NUP205: variants seen among roughly 807,000 people sequenced by gnomAD.
NUP205 encodes the protein nuclear pore complex protein Nup205.
NUP205 carries 76 observed loss-of-function variants against 253.8 expected under a neutral mutation model. The ratio of observed to expected loss-of-function variants is 0.30; its 90% CI spans 0.25 to 0.36. The LOEUF (loss-of-function observed/expected upper bound fraction) is 0.36, where lower values mean the gene tolerates loss of function less well. NUP205 is among the 10% of genes least tolerant of loss of function. The probability of loss-of-function intolerance (pLI) is 1.00; values close to 1 mark genes in which losing one functional copy is unlikely to be tolerated. For missense variants in NUP205, 2,162 were observed against 2,425.5 expected (o/e 0.89, Z 2.28); for synonymous variants, 832 against 850.1 (o/e 0.98, Z 0.37).
intron 13 of NUP205, 41 bp downstream of exon 13, chr7:135,594,770 G>T (rs757142536): frequency 1.3e-6 from 2 of 1,484,518 alleles, no homozygotes; most frequent in African/African-American, 1.4e-5. Context: ...TCCCAATGTG[G>T]AAAGTTGGGC....
intron 1 of NUP205, among the ~76,000 whole-genome samples, chr7:135,570,880 A>C (rs1371635979): frequency 9.9e-5 from 12 of 120,730 alleles, no homozygotes; most frequent in Non-Finnish European, 1.6e-4. Flanking sequence ...AATATATGTA[A>C]TATATTATAT....
intron 22 of NUP205, among the ~76,000 whole-genome samples, chr7:135,609,050 A>T (rs887095740): frequency 1.4e-5 from 2 of 142,434 alleles, no homozygotes; most frequent in African/African-American, 5.3e-5. Flanking sequence ...GTTGCAGTGA[A>T]CCTAGATCGT....
intron 38 of NUP205, among the ~76,000 whole-genome samples, chr7:135,641,655 C>G (rs1320122297): frequency 7.8e-6 from 1 of 127,902 alleles, no homozygotes; most frequent in Non-Finnish European, 1.8e-5. Flanking sequence ...ACCTTTAATC[C>G]TAGCTACTTG....
At chr7:135,583,848 T>C (rs370209284) in intron 7 of NUP205, among the ~76,000 whole-genome samples, 36 of 138,556 alleles carry the variant, frequency 2.6e-4, no homozygotes, top group African/African-American at 5.0e-4. Flanking sequence ...TTCTTTCTTT[T>C]TTTTTTTTTT....
intron 3 of NUP205, among the ~76,000 whole-genome samples, chr7:135,574,932 G>T (rs552957695): frequency 1.4e-4 from 22 of 152,156 alleles, no homozygotes; most frequent in Non-Finnish European, 2.5e-4. Flanking sequence ...ACCTAAGCCT[G>T]CACTAAAAGA....
chr7:135,584,105 C>T (rs757750821), intron 7 of NUP205, among the ~76,000 whole-genome samples: 20 of 151,872 alleles, frequency 1.3e-4, no homozygotes, highest in African/African-American at 2.7e-4. Flanking sequence ...CCACCCTGCC[C>T]GGCCTTGTTT....
At chr7:135,627,829 T>A (rs934253429) in intron 33 of NUP205, 144 bp from the exon 34 acceptor site, 9 of 610,416 alleles carry the variant, frequency 1.5e-5, no homozygotes, top group African/African-American at 1.3e-4. Context: ...GGACCGCGGA[T>A]GTATATATGG....
At chr7:135,562,791 G>T (rs1400765818) in intron 1 of NUP205, among the ~76,000 whole-genome samples, 1 of 151,852 alleles carries the variant, frequency 6.6e-6, no homozygotes, top group African/African-American at 2.4e-5. Context: ...GTATCTGCCC[G>T]CCTCGGTATC....
rs116671009 is a variant in NUP205, at chr7:135,640,185, G to A, written c.5392+1502G>A. 4.4e-3 allele frequency among the ~76,000 whole-genome samples: 671 copies of A among 152,178 alleles called. 1 individual carries two copies. The highest frequency in any genetic ancestry group is 0.015 in the African/African-American group (641 of 41,532). On this transcript the variant is annotated intron_variant, in intron 38 of 42. Coordinates refer to ENST00000285968, the MANE Select transcript of NUP205 (RefSeq NM_015135.3). ...GCACATGTATACCTATGTAACAAAC[G>A]TACACATTCTGTACATGTATCCCAG...
intron 1 of NUP205, among the ~76,000 whole-genome samples, chr7:135,570,331 C>T (rs1231271679): frequency 6.6e-6 from 1 of 151,870 alleles, no homozygotes; most frequent in Non-Finnish European, 1.5e-5. Flanking sequence ...TCTCCTGTCC[C>T]AGCCTCCCAA....
At chr7:135,563,381 G>A (rs561893694) in intron 1 of NUP205, among the ~76,000 whole-genome samples, 5 of 152,064 alleles carry the variant, frequency 3.3e-5, no homozygotes, top group Admixed American at 6.6e-5. Context: ...TAGAGACGGG[G>A]TTTCGCTGTG....
chr7:135,594,540 T>C lies in NUP205; in HGVS notation c.1831-7T>C, dbSNP rs534293349. On this transcript the variant is annotated splice_polypyrimidine_tract_variant and splice_region_variant and intron_variant, in intron 12 of 42. Coordinates refer to ENST00000285968, the MANE Select transcript of NUP205 (RefSeq NM_015135.3). ...GAAAGTCTCATTCTTTTTGTGTCAA[T>C]TCTTAGAGTGAAAATGCTCGCTTGG... The C allele has an allele frequency of 1.1e-4, 166 of 1,574,684 alleles. No individual in the cohort carries two copies. In the South Asian group the frequency reaches 1.7e-3, roughly 16 times the overall value.
intron 7 of NUP205, among the ~76,000 whole-genome samples, chr7:135,581,372 C>T (rs1346393114): frequency 6.6e-6 from 1 of 151,876 alleles, no homozygotes; most frequent in African/African-American, 2.4e-5. Flanking sequence ...AGTGATACCT[C>T]ATCTCTTCAA....
Position 135,627,989 on chromosome 7 carries a change from G to A in NUP205, c.4810G>A (p.Asp1604Asn). The change falls in exon 34 of 43, where the codon GAC becomes AAC. Residue 1604 changes from aspartate (D) to asparagine (N), a missense_variant. Asp to Asn is a conservative substitution (Grantham distance 23). This residue lies in a region of NUP205 where 1,144 missense variants were observed against 1,280.9 expected (regional missense o/e 0.89). Transcript: ENST00000285968. ...TDPQSMFGMR[D>N]PPMFIPTPVD... ...TGAAATAAGCATGTTTGGCATGAGAGACCCTCCAATGTTCATCCCTACCCC... is the reference window on the plus strand; with the variant it reads ...TGAAATAAGCATGTTTGGCATGAGAAACCCTCCAATGTTCATCCCTACCCC... 1 of 1,612,230 alleles carries A rather than the reference G, an allele frequency of 6.2e-7. No homozygotes were observed. The highest frequency in any genetic ancestry group is 8.5e-7 in the Non-Finnish European group (1 of 1,179,550).
chr7:135,644,031 T>C (rs930026869), intron 39 of NUP205, among the ~76,000 whole-genome samples: 1 of 152,250 alleles, frequency 6.6e-6, no homozygotes, highest in African/African-American at 2.4e-5. Context: ...AGTCCATGCC[T>C]ACTCCCTCTT....
intron 35 of NUP205, among the ~76,000 whole-genome samples, chr7:135,633,510 A>G (rs572411858): frequency 1.3e-5 from 2 of 152,270 alleles, no homozygotes; most frequent in Admixed American, 1.3e-4. Context: ...TTGTGTGTAT[A>G]TGTGTGTGTG....
chr7:135,571,702 T>C (rs1050895739), intron 2 of NUP205, among the ~76,000 whole-genome samples: 1 of 152,162 alleles, frequency 6.6e-6, no homozygotes, highest in Non-Finnish European at 1.5e-5. Context: ...CATTTATCCA[T>C]TGTTTTCCAA....
chr7:135,597,347 T>G (rs1486623919), intron 13 of NUP205, 21 bp from the exon 14 acceptor site: 1 of 1,589,090 alleles, frequency 6.3e-7, no homozygotes, highest in East Asian at 2.2e-5. Flanking sequence ...GCTCCTGACA[T>G]CTACTTCTTA....
intron 26 of NUP205, 74 bp downstream of exon 26, chr7:135,617,321 C>A: frequency 1.5e-6 from 2 of 1,371,074 alleles, no homozygotes; most frequent in Non-Finnish European, 2.0e-6. Flanking sequence ...ACAAATAGAA[C>A]CATATAGGTT....
Sources: gnomAD v4.1 joint callset for allele counts (sites outside exome capture counted in the v4.1 genomes callset) on GRCh38, gnomAD v4.1.1 for gene constraint, gnomAD v4.1.1 regional missense constraint, MANE v1.5 for transcripts, NCBI Gene and HGNC (gene_info 2026-07-23, HGNC 2026-07-21) for gene names.